Variants in MACROD2 observed in about 807,000 individuals in gnomAD.
MACROD2 encodes the protein mono-ADP ribosylhydrolase 2, also known as ADP-ribose glycohydrolase MACROD2.
MACROD2 carries 36 observed loss-of-function variants against 70.4 expected under a neutral mutation model. The ratio of observed to expected loss-of-function variants is 0.51; its 90% CI spans 0.39 to 0.68. The LOEUF (loss-of-function observed/expected upper bound fraction) is 0.68, where lower values mean the gene tolerates loss of function less well. Among genes scored for constraint, MACROD2 ranks in the 30% least tolerant of loss-of-function variants. The probability of loss-of-function intolerance (pLI) is 0.00; values close to 1 mark genes in which losing one functional copy is unlikely to be tolerated. For missense variants in MACROD2, 496 were observed against 538.4 expected (o/e 0.92, Z 0.78); for synonymous variants, 172 against 178.8 (o/e 0.96, Z 0.30).
At chr20:14,835,643 A>G (rs1998086) in intron 5 of MACROD2, among the ~76,000 whole-genome samples, 38,913 of 151,942 alleles carry the variant, frequency 0.26, 5,806 homozygotes, top group African/African-American at 0.4. Context: ...CTTGAGGTCA[A>G]TGTATCATTG....
At chr20:14,811,525 G>A in intron 5 of MACROD2, among the ~76,000 whole-genome samples, 1 of 152,094 alleles carries the variant, frequency 6.6e-6, no homozygotes, top group East Asian at 1.9e-4. Flanking sequence ...CATGGGCAAA[G>A]ACTTCATGAC....
At chr20:15,157,185 A>G (rs1341866882) in intron 5 of MACROD2, among the ~76,000 whole-genome samples, 3 of 152,186 alleles carry the variant, frequency 2.0e-5, no homozygotes, top group East Asian at 3.9e-4. Flanking sequence ...TAAGATGCCA[A>G]CAGTCTCAGC....
intron 8 of MACROD2, among the ~76,000 whole-genome samples, chr20:15,825,844 T>C (rs1390884331): frequency 6.6e-6 from 1 of 152,070 alleles, no homozygotes; most frequent in Non-Finnish European, 1.5e-5. Flanking sequence ...GTGATGTATG[T>C]AGATGTATGT....
chr20:15,726,229 G>C (rs377653950), intron 8 of MACROD2, among the ~76,000 whole-genome samples: 6 of 152,122 alleles, frequency 3.9e-5, no homozygotes, highest in Admixed American at 3.3e-4. Context: ...ATTGCCCCCA[G>C]CTTGATCCAT....
intron 8 of MACROD2, among the ~76,000 whole-genome samples, chr20:15,508,312 G>A (rs1028195860): frequency 1.3e-5 from 2 of 151,326 alleles, no homozygotes; most frequent in African/African-American, 4.9e-5. Context: ...GAGTGGTTTG[G>A]GGGGTTGGGA....
At chr20:14,502,925 C>G (rs2084929876) in intron 4 of MACROD2, among the ~76,000 whole-genome samples, 1 of 152,122 alleles carries the variant, frequency 6.6e-6, no homozygotes, top group Admixed American at 6.5e-5. Flanking sequence ...AAGCGTCTTT[C>G]AAGTATTTAA....
chr20:14,461,316 TTTC>T (rs1353568716), intron 3 of MACROD2, among the ~76,000 whole-genome samples: 6 of 152,066 alleles, frequency 3.9e-5, no homozygotes, highest in Middle Eastern at 3.2e-3. Context: ...TCTTCTGTCT[TTTC>T]TTCTTTAACA....
chr20:14,732,613 G>C (rs1435007787), intron 5 of MACROD2, among the ~76,000 whole-genome samples: 1 of 152,114 alleles, frequency 6.6e-6, no homozygotes, highest in Non-Finnish European at 1.5e-5. Context: ...ATAAAGGAAA[G>C]TCGATGTTTT....
At chr20:14,913,727 G>A (rs1247005115) in intron 5 of MACROD2, among the ~76,000 whole-genome samples, 1 of 152,054 alleles carries the variant, frequency 6.6e-6, no homozygotes, top group African/African-American at 2.4e-5. Flanking sequence ...TTCCATATAA[G>A]ACTATCCCTC....
At chr20:15,154,609 C>A (rs1331361606) in intron 5 of MACROD2, among the ~76,000 whole-genome samples, 2 of 152,190 alleles carry the variant, frequency 1.3e-5, no homozygotes. Flanking sequence ...GTTCTAGTGA[C>A]CCCCTCTTCC....
At chr20:15,931,607 C>A (rs2065577832) in intron 10 of MACROD2, among the ~76,000 whole-genome samples, 1 of 151,562 alleles carries the variant, frequency 6.6e-6, no homozygotes, top group Non-Finnish European at 1.5e-5. Flanking sequence ...CATGCCACTG[C>A]ACTCCAGGCT....
chr20:14,940,736 G>A (rs1399097092), intron 5 of MACROD2, among the ~76,000 whole-genome samples: 2 of 152,058 alleles, frequency 1.3e-5, no homozygotes, highest in African/African-American at 4.8e-5. Context: ...GCATCCCTGG[G>A]ATGAATTCCA....
intron 6 of MACROD2, among the ~76,000 whole-genome samples, chr20:15,313,721 G>C (rs999170753): frequency 1.4e-4 from 22 of 152,120 alleles, no homozygotes; most frequent in African/African-American, 5.1e-4. Flanking sequence ...CTCTTCCACT[G>C]GGTGTAGTGG....
chr20:14,227,276 G>C (rs1313989527), intron 3 of MACROD2, among the ~76,000 whole-genome samples: 1 of 152,076 alleles, frequency 6.6e-6, no homozygotes, highest in Non-Finnish European at 1.5e-5. Context: ...GCAGGCTGCC[G>C]GAGCCAGCAG....
chr20:15,566,091 T>C (rs1344665571), intron 8 of MACROD2, among the ~76,000 whole-genome samples: 1 of 152,102 alleles, frequency 6.6e-6, no homozygotes, highest in Admixed American at 6.5e-5. Flanking sequence ...AGGAAAAAAA[T>C]CATTAATTTA....
chr20:15,489,864 G>A (rs1028221313), intron 7 of MACROD2, among the ~76,000 whole-genome samples: 1 of 152,094 alleles, frequency 6.6e-6, no homozygotes, highest in African/African-American at 2.4e-5. Context: ...TCCCTTGCTT[G>A]AGTCTTCCAC....
chr20:14,823,318 A>C (rs2072867992), intron 5 of MACROD2, among the ~76,000 whole-genome samples: 1 of 152,160 alleles, frequency 6.6e-6, no homozygotes, highest in African/African-American at 2.4e-5. Context: ...AGCAATGCTT[A>C]AGTTATTTGT....
rs568410185 is a variant in MACROD2, at chr20:15,871,101, G to A, written c.727+8275G>A. On this transcript the variant is annotated intron_variant, in intron 9 of 17. Transcript: ENST00000684519. The stretch of plus-strand genomic sequence containing the variant: ...TGAGGCAGGAGAATTGCTTGAACCC[G>A]AGAGGTGGAGGTTGCAGTGAGCCGA... Among the ~76,000 whole-genome samples the A allele has an allele frequency of 1.1e-3, 165 of 145,980 alleles. 1 individual carries two copies. Among genetic ancestry groups the A allele is most frequent in the Non-Finnish European group, 2.2e-3 (145 of 66,700 alleles).
At chr20:15,819,447 ATATATATAAATATATAAG>A (rs942768895) in intron 8 of MACROD2, among the ~76,000 whole-genome samples, 5 of 128,036 alleles carry the variant, frequency 3.9e-5, no homozygotes, top group African/African-American at 1.6e-4. Context: ...AATTATATAA[ATATATATAAATATATAAG>A]TATATAAATA....
Sources: allele counts gnomAD v4.1 joint callset (sites outside exome capture counted in the v4.1 genomes callset), GRCh38; gene constraint gnomAD v4.1.1; transcripts MANE v1.5; gene names NCBI Gene and HGNC (gene_info 2026-07-23, HGNC 2026-07-21).